The following CTNNA3 variants were observed in gnomAD, a reference collection of about 807,000 sequenced individuals.
CTNNA3 encodes the protein catenin alpha 3.
In CTNNA3, 76 loss-of-function variants were observed where a neutral mutation model predicts 95.7. That is an observed-to-expected ratio of 0.79 (90% confidence interval 0.66 to 0.96). CTNNA3 has a LOEUF of 0.96. Ranked by LOEUF, CTNNA3 falls within the 40% of genes least tolerant of loss-of-function variation. The probability of loss-of-function intolerance (pLI) is 0.00; values close to 1 mark genes in which losing one functional copy is unlikely to be tolerated. For missense variants in CTNNA3, 1,191 were observed against 1,089.8 expected (o/e 1.09, Z -1.31); for synonymous variants, 431 against 374.4 (o/e 1.15, Z -1.74).
intron 9 of CTNNA3, among the ~76,000 whole-genome samples, chr10:66,756,578 C>T: frequency 6.6e-6 from 1 of 151,996 alleles, no homozygotes; most frequent in East Asian, 1.9e-4. Context: ...ATGAATAATC[C>T]TTTGCAAGGT....
In CTNNA3 at chr10:66,927,251, A is replaced by G. The variant is rs757467180; in HGVS notation, c.1048-151727T>C. ...GCTTTTAATGGAATACGCAGACTCA[A>G]AGAGCTGATTCTTAGTTCCAATAGA... On this transcript the variant is annotated intron_variant, in intron 7 of 17. Transcript: ENST00000433211. This position sits in a 1 kb window ranked among gnomAD's most constrained non-coding sequence, Gnocchi z 4.7. 43 of 1,614,038 alleles carry G rather than the reference A, an allele frequency of 2.7e-5. No individual in the cohort carries two copies. The Admixed American group carries it at 5.7e-4, about 21-fold the overall frequency.
chr10:66,562,528 T>C (rs1842584607), intron 10 of CTNNA3, among the ~76,000 whole-genome samples: 1 of 152,018 alleles, frequency 6.6e-6, no homozygotes, highest in African/African-American at 2.4e-5. Context: ...GTGAGGAAAA[T>C]TTTAAAAGAA....
At chr10:66,607,331 G>A (rs1844161166) in intron 10 of CTNNA3, among the ~76,000 whole-genome samples, 1 of 151,628 alleles carries the variant, frequency 6.6e-6, no homozygotes, top group South Asian at 2.1e-4. Context: ...ATGGATTAAC[G>A]ACCTCATTTT....
chr10:67,408,878 T>A (rs1845247785), intron 5 of CTNNA3, among the ~76,000 whole-genome samples: 3 of 40,242 alleles, frequency 7.5e-5, no homozygotes, highest in Non-Finnish European at 6.3e-5. Flanking sequence ...GGAACTTAAA[T>A]TTACAAAAAA....
intron 5 of CTNNA3, among the ~76,000 whole-genome samples, chr10:67,379,796 C>A (rs1024348391): frequency 4.6e-5 from 7 of 151,778 alleles, no homozygotes; most frequent in African/African-American, 7.3e-5. Flanking sequence ...CCGAGGCGGG[C>A]GGATCACGAG....
chr10:67,621,440 G>A (rs1208508232), intron 2 of CTNNA3, among the ~76,000 whole-genome samples: 1 of 152,066 alleles, frequency 6.6e-6, no homozygotes, highest in East Asian at 1.9e-4. Context: ...GGAGTGCAGA[G>A]TAGCTCCATG....
intron 1 of CTNNA3, among the ~76,000 whole-genome samples, chr10:67,652,743 T>C (rs1839912674): frequency 6.9e-6 from 1 of 145,586 alleles, no homozygotes; most frequent in Admixed American, 6.8e-5. Flanking sequence ...CCTTAATCTT[T>C]GTTCCACCCT....
intron 13 of CTNNA3, among the ~76,000 whole-genome samples, chr10:66,227,328 C>T (rs1354411091): frequency 6.6e-6 from 1 of 150,892 alleles, no homozygotes; most frequent in Non-Finnish European, 1.5e-5. Flanking sequence ...TCATATGTGG[C>T]CTTTACTGTG....
chr10:66,562,227 G>C (rs1419718216), intron 10 of CTNNA3, among the ~76,000 whole-genome samples: 1 of 152,052 alleles, frequency 6.6e-6, no homozygotes, highest in Non-Finnish European at 1.5e-5. Flanking sequence ...CTAACAGCTT[G>C]ACTTTGTTTT....
chr10:67,482,579 C>T lies in CTNNA3; in HGVS notation c.579+39263G>A, dbSNP rs1007557274. 8.5e-4 allele frequency among the ~76,000 whole-genome samples: 130 copies of T among 152,146 alleles called. 1 individual carries two copies. The highest frequency in any genetic ancestry group is 2.6e-3 in the African/African-American group (109 of 41,516). ...TGTTATTGGTGTATAAGAATGCTTG[C>T]GATTTTTGTACATTGATTTTGTATC... On this transcript the variant is annotated intron_variant, in intron 5 of 17. Coordinates refer to ENST00000433211, the MANE Select transcript of CTNNA3 (RefSeq NM_013266.4).
rs550267226 is a variant in CTNNA3, at chr10:66,037,753, G to T, written c.2159+31555C>A. 5.3e-5 allele frequency among the ~76,000 whole-genome samples: 8 copies of T among 152,188 alleles called. No individual in the cohort carries two copies. In the South Asian group the frequency reaches 1.0e-3, roughly 20 times the overall value. ...CTCATTTGAAATGAAAATAAATGCC[G>T]TTCAGGAAAGGCCCTTGTTATCATC... On this transcript the variant is annotated intron_variant, in intron 15 of 17. Coordinates refer to ENST00000433211, the MANE Select transcript of CTNNA3 (RefSeq NM_013266.4).
intron 1 of CTNNA3, among the ~76,000 whole-genome samples, chr10:67,647,932 G>C (rs942023584): frequency 2.0e-5 from 3 of 152,156 alleles, no homozygotes; most frequent in Non-Finnish European, 4.4e-5. Flanking sequence ...TGATGACTTA[G>C]ACAAGGAACA....
intron 9 of CTNNA3, among the ~76,000 whole-genome samples, chr10:66,688,861 C>A (rs900111287): frequency 3.3e-5 from 5 of 151,222 alleles, no homozygotes; most frequent in African/African-American, 7.3e-5. Flanking sequence ...GTAATCCCAG[C>A]TACTGAGGAG....
chr10:66,548,888 T>C (rs1172824932), intron 10 of CTNNA3, among the ~76,000 whole-genome samples: 2 of 151,994 alleles, frequency 1.3e-5, no homozygotes, highest in Non-Finnish European at 2.9e-5. Flanking sequence ...TTTGCATTCA[T>C]ATTCACGAAG....
intron 3 of CTNNA3, among the ~76,000 whole-genome samples, chr10:67,569,344 C>T (rs1470249963): frequency 6.6e-6 from 1 of 152,070 alleles, no homozygotes; most frequent in Non-Finnish European, 1.5e-5. Flanking sequence ...GACATATAGA[C>T]AAGCTGATTT....
At chr10:67,102,153 ACTC>A (rs1231449450) in intron 7 of CTNNA3, among the ~76,000 whole-genome samples, 1 of 151,624 alleles carries the variant, frequency 6.6e-6, no homozygotes, top group Admixed American at 6.6e-5. Flanking sequence ...AGAGCTTCCA[ACTC>A]CTCCCATGAC....
intron 4 of CTNNA3, among the ~76,000 whole-genome samples, chr10:67,526,084 T>TATTG (rs1840135854): frequency 6.6e-6 from 1 of 152,164 alleles, no homozygotes; most frequent in Non-Finnish European, 1.5e-5. Context: ...AAAAATAATA[T>TATTG]ATTGATGCTC....
intron 1 of CTNNA3, among the ~76,000 whole-genome samples, chr10:67,715,662 A>G (rs1366791522): frequency 1.3e-5 from 2 of 152,152 alleles, no homozygotes; most frequent in East Asian, 3.8e-4. Flanking sequence ...ACAAGGAGTT[A>G]GAGCCCTAGC....
intron 9 of CTNNA3, among the ~76,000 whole-genome samples, chr10:66,680,232 G>C (rs1218162332): frequency 6.6e-6 from 1 of 151,550 alleles, no homozygotes; most frequent in Non-Finnish European, 1.5e-5. Context: ...GGGTTTCACT[G>C]TGTTAGCCAG....
Sources: allele counts gnomAD v4.1 joint callset (sites outside exome capture counted in the v4.1 genomes callset), GRCh38; gene constraint gnomAD v4.1.1; non-coding constraint Gnocchi (gnomAD v3.1); transcripts MANE v1.5; gene names NCBI Gene and HGNC (gene_info 2026-07-23, HGNC 2026-07-21).